The following TBC1D22A variants were observed in gnomAD, a reference collection of about 807,000 sequenced individuals.
TBC1D22A encodes putative GTPase activator.
Under a neutral mutation model 60.2 loss-of-function variants are expected in TBC1D22A, and 38 were observed. The observed-to-expected ratio is 0.63, with a 90% confidence interval of 0.49 to 0.83. The LOEUF (loss-of-function observed/expected upper bound fraction) is 0.83. Ranked by LOEUF, TBC1D22A falls within the 40% of genes least tolerant of loss-of-function variation. The pLI, the probability that TBC1D22A is intolerant of heterozygous loss-of-function variation, is 0.00. For missense variants in TBC1D22A, 628 were observed against 701.0 expected, an observed-to-expected ratio of 0.90 and a Z score of 1.18; for synonymous variants, 302 against 281.7, an observed-to-expected ratio of 1.07 and a Z score of -0.72.
intron 12 of TBC1D22A, among the ~76,000 whole-genome samples, chr22:47,155,528 C>T (rs1487620171): frequency 6.6e-6 from 1 of 152,232 alleles, no homozygotes; most frequent in East Asian, 1.9e-4. Flanking sequence ...GGGAGCCGCC[C>T]TGGGGATGCC....
chr22:46,934,290 G>A (rs1454360100), intron 8 of TBC1D22A, among the ~76,000 whole-genome samples: 1 of 152,256 alleles, frequency 6.6e-6, no homozygotes, highest in East Asian at 1.9e-4. Flanking sequence ...AGACACTCAA[G>A]TGCGTAGCAG....
intron 10 of TBC1D22A, among the ~76,000 whole-genome samples, chr22:47,001,789 G>C (rs1469841081): frequency 6.6e-6 from 1 of 152,156 alleles, no homozygotes; most frequent in African/African-American, 2.4e-5. Flanking sequence ...AAAAATTCTC[G>C]AAACAAGGCT....
At chr22:47,102,072 C>A (rs545295984) in intron 11 of TBC1D22A, among the ~76,000 whole-genome samples, 11 of 152,128 alleles carry the variant, frequency 7.2e-5, no homozygotes, top group Admixed American at 6.5e-4. Context: ...GGGAGGAAAC[C>A]GTTTCCGTCC....
Position 47,004,495 on chromosome 22 carries a change from A to G in TBC1D22A, c.1201+6786A>G, listed in dbSNP as rs542481648. Among the ~76,000 whole-genome samples, 7 of 150,156 alleles carry G rather than the reference A, an allele frequency of 4.7e-5. No individual in the cohort carries two copies. In the South Asian group the frequency reaches 1.3e-3, roughly 27 times the overall value. On this transcript the variant is annotated intron_variant, in intron 10 of 12. Transcript: ENST00000337137. The stretch of plus-strand genomic sequence containing the variant: ...ACATACACACCCTGCACACATGCCT[A>G]TACACACACACTACTTCACATATGC...
At chr22:46,772,122 CAT>C (rs200965325) in intron 1 of TBC1D22A, among the ~76,000 whole-genome samples, 20 of 82,296 alleles carry the variant, frequency 2.4e-4, no homozygotes, top group South Asian at 1.9e-3. Context: ...TGTATACACA[CAT>C]ATACATATAT....
At chr22:46,826,160 C>T (rs1024530869) in intron 4 of TBC1D22A, among the ~76,000 whole-genome samples, 6 of 152,106 alleles carry the variant, frequency 3.9e-5, no homozygotes, top group Admixed American at 1.3e-4. Context: ...GGATTATAGG[C>T]GTGAGCCACC....
At chr22:46,816,731 C>G (rs181553833) in intron 4 of TBC1D22A, among the ~76,000 whole-genome samples, 1 of 152,106 alleles carries the variant, frequency 6.6e-6, no homozygotes, top group Non-Finnish European at 1.5e-5. Flanking sequence ...ATCCCCATGA[C>G]CAAAATAAGA....
intron 8 of TBC1D22A, among the ~76,000 whole-genome samples, chr22:46,929,808 G>T (rs1176870486): frequency 2.0e-5 from 3 of 152,152 alleles, no homozygotes; most frequent in African/African-American, 2.4e-5. Context: ...TGGACTGCAG[G>T]CCTCGTGCTT....
chr22:46,811,942 G>A (rs546539372), intron 4 of TBC1D22A, among the ~76,000 whole-genome samples: 6 of 152,190 alleles, frequency 3.9e-5, no homozygotes, highest in Admixed American at 2.0e-4. Flanking sequence ...CCCTCAGACC[G>A]TCCAGCTACT....
chr22:46,911,220 A>G (rs1271792055), intron 7 of TBC1D22A, among the ~76,000 whole-genome samples: 1 of 152,062 alleles, frequency 6.6e-6, no homozygotes, highest in Non-Finnish European at 1.5e-5. Context: ...TATTGAGAGT[A>G]TTGGAGGGAG....
At chr22:46,969,707 A>G (rs1220568853) in intron 8 of TBC1D22A, among the ~76,000 whole-genome samples, 2 of 151,892 alleles carry the variant, frequency 1.3e-5, no homozygotes, top group African/African-American at 4.8e-5. Flanking sequence ...CCATCCCACC[A>G]CCTTGCGGGC....
rs144961980 is a variant in TBC1D22A, at chr22:47,153,260, G to A, written c.1426-20238G>A. 1.0e-3 allele frequency among the ~76,000 whole-genome samples: 153 copies of A among 152,318 alleles called. 1 individual carries two copies. In the South Asian group the frequency reaches 0.022, roughly 22 times the overall value. Reference sequence around the variant, plus strand: ...CCCACTGCTTCCAAATGCAGCTCACGTTCATGAACTGAGTCATGTGGTCAT... The same window carrying A: ...CCCACTGCTTCCAAATGCAGCTCACATTCATGAACTGAGTCATGTGGTCAT... On this transcript the variant is annotated intron_variant, in intron 12 of 12. Transcript: ENST00000337137.
chr22:47,059,998 G>C (rs2063514502), intron 11 of TBC1D22A, among the ~76,000 whole-genome samples: 1 of 152,158 alleles, frequency 6.6e-6, no homozygotes, highest in Non-Finnish European at 1.5e-5. Context: ...GCAGGGAACT[G>C]CCCATGACAT....
intron 11 of TBC1D22A, among the ~76,000 whole-genome samples, chr22:47,048,565 A>G (rs2063103446): frequency 6.6e-6 from 1 of 152,314 alleles, no homozygotes; most frequent in Admixed American, 6.5e-5. Context: ...ACTGGGCCAG[A>G]GGAGCATGGG....
At chr22:46,950,721 G>T (rs1187686218) in intron 8 of TBC1D22A, among the ~76,000 whole-genome samples, 5 of 152,174 alleles carry the variant, frequency 3.3e-5, no homozygotes, top group Admixed American at 3.3e-4. Flanking sequence ...CGCGAATGAC[G>T]GGTGAGTGTG....
intron 12 of TBC1D22A, among the ~76,000 whole-genome samples, chr22:47,113,550 A>G (rs1357486360): frequency 1.3e-5 from 2 of 152,200 alleles, no homozygotes; most frequent in African/African-American, 4.8e-5. Flanking sequence ...GCAGACTCTA[A>G]GCCACACATA....
chr22:46,905,327 G>A (rs1387194287), intron 7 of TBC1D22A, among the ~76,000 whole-genome samples: 1 of 152,248 alleles, frequency 6.6e-6, no homozygotes, highest in Non-Finnish European at 1.5e-5. Flanking sequence ...GCCTGGAGGA[G>A]GCCTCTGTCC....
intron 4 of TBC1D22A, among the ~76,000 whole-genome samples, chr22:46,846,607 T>C (rs540274550): frequency 1.3e-4 from 20 of 152,328 alleles, no homozygotes; most frequent in African/African-American, 4.8e-4. Flanking sequence ...TTATAAAAAA[T>C]TTCAAACATG....
chr22:47,149,012 T>C (rs2067394598), intron 12 of TBC1D22A, among the ~76,000 whole-genome samples: 1 of 151,894 alleles, frequency 6.6e-6, no homozygotes, highest in African/African-American at 2.4e-5. Context: ...TTCATGCAGG[T>C]TATGGGTGTG....
Sources: allele counts gnomAD v4.1 joint callset (sites outside exome capture counted in the v4.1 genomes callset), GRCh38; gene constraint gnomAD v4.1.1; transcripts MANE v1.5; gene names NCBI Gene and HGNC (gene_info 2026-07-23, HGNC 2026-07-21).